The following KANK1 variants were observed in gnomAD, a reference collection of about 807,000 sequenced individuals.
KANK1 encodes KN motif and ankyrin repeat domain-containing protein 1.
KANK1 carries 109 observed loss-of-function variants against 106.2 expected under a neutral mutation model. That is an observed-to-expected ratio of 1.03 (90% CI 0.88 to 1.20). The LOEUF (loss-of-function observed/expected upper bound fraction) is 1.20. KANK1 is among the 50% of genes most tolerant of loss of function. The probability of loss-of-function intolerance (pLI) is 0.00; values close to 1 mark genes in which losing one functional copy is unlikely to be tolerated. For missense variants in KANK1, 2,399 were observed against 1,710.7 expected (o/e 1.40, Z -7.10); for synonymous variants, 873 against 652.2 (o/e 1.34, Z -5.16).
intron 1 of KANK1, among the ~76,000 whole-genome samples, chr9:563,868 G>A (rs558146276): frequency 3.5e-4 from 54 of 152,212 alleles, no homozygotes; most frequent in African/African-American, 1.3e-3. Context: ...GACTAGCACA[G>A]GGCACACATA....
intron 1 of KANK1, among the ~76,000 whole-genome samples, chr9:517,770 G>A (rs946697915): frequency 1.4e-5 from 2 of 140,220 alleles, no homozygotes; most frequent in South Asian, 2.2e-4. Flanking sequence ...ACAGAGTCTC[G>A]CTCTGTCACC....
intron 10 of KANK1, among the ~76,000 whole-genome samples, chr9:743,223 AAGTTAGGAAAATATCCTTTGTAGGTCAG>A (rs1836170470): frequency 6.6e-6 from 1 of 152,220 alleles, no homozygotes; most frequent in South Asian, 2.1e-4. Flanking sequence ...AAACACCAAA[AAGTTAGGAAAATATCCTTTGTAGGTCAG>A]ATTCTTCTGG....
intron 1 of KANK1, among the ~76,000 whole-genome samples, chr9:606,255 A>G (rs962596993): frequency 6.6e-6 from 1 of 151,104 alleles, no homozygotes; most frequent in Non-Finnish European, 1.5e-5. Flanking sequence ...AAAAATATAT[A>G]TTTTTAGAAG....
At chr9:649,862 A>C (rs1840501222) in intron 1 of KANK1, among the ~76,000 whole-genome samples, 1 of 152,206 alleles carries the variant, frequency 6.6e-6, no homozygotes, top group South Asian at 2.1e-4. Context: ...ATGGGATGAC[A>C]GTTGCGATGC....
intron 1 of KANK1, among the ~76,000 whole-genome samples, chr9:590,676 C>G (rs538021659): frequency 6.7e-6 from 1 of 148,554 alleles, no homozygotes; most frequent in East Asian, 1.9e-4. Context: ...AAATAAGATT[C>G]TTAAATACAG....
At position 744,521 on chromosome 9, in the gene KANK1, G is replaced by A. The variant is rs1196490607; in HGVS notation, c.3928G>A (p.Glu1310Lys). 1 of 1,614,108 alleles carries A rather than the reference G, an allele frequency of 6.2e-7. No individual in the cohort carries two copies. Among genetic ancestry groups the A allele is most frequent in the South Asian group, 1.1e-5 (1 of 91,070 alleles). ...CAGCACTGCGCTCTCAATCGCCCTG[G>A]AAGCAGGACACAAGGACATCGCTGT... The part of the protein sequence containing the change: ...DGSTALSIAL[E>K]AGHKDIAVLL... Residue 1310 changes from glutamate (E) to lysine (K), a missense_variant, in exon 11 of 12, where the codon GAA (glutamate) becomes AAA (lysine). Transcript: ENST00000382297.
At chr9:626,517 G>C (rs1245928110) in intron 1 of KANK1, among the ~76,000 whole-genome samples, 1 of 152,122 alleles carries the variant, frequency 6.6e-6, no homozygotes, top group Non-Finnish European at 1.5e-5. Context: ...GTCAGATTCT[G>C]TGTTTTCTGT....
intron 1 of KANK1, among the ~76,000 whole-genome samples, chr9:541,619 A>G (rs998103255): frequency 2.0e-5 from 3 of 152,128 alleles, no homozygotes; most frequent in African/African-American, 7.2e-5. Context: ...GACAAATGGG[A>G]TTGTGTTAAA....
chr9:710,763 G>C, intron 2 of KANK1, 41 bp from the exon 3 acceptor site: 1 of 1,520,450 alleles, frequency 6.6e-7, no homozygotes, highest in Non-Finnish European at 8.8e-7. Flanking sequence ...ACCATTAGGT[G>C]TATTGCATGT....
At chr9:692,009 A>G (rs1820061050) in intron 2 of KANK1, among the ~76,000 whole-genome samples, 1 of 152,180 alleles carries the variant, frequency 6.6e-6, no homozygotes, top group Non-Finnish European at 1.5e-5. Context: ...ATTTTATCAC[A>G]GGGCAGGCAG....
intron 1 of KANK1, among the ~76,000 whole-genome samples, chr9:668,737 C>A (rs183715707): frequency 1.3e-5 from 2 of 152,168 alleles, no homozygotes; most frequent in South Asian, 2.1e-4. Context: ...GATAAGCAGT[C>A]CCCAGTCTGT....
At chr9:615,692 A>G (rs1478007407) in intron 1 of KANK1, among the ~76,000 whole-genome samples, 2 of 152,156 alleles carry the variant, frequency 1.3e-5, no homozygotes, top group Non-Finnish European at 2.9e-5. Flanking sequence ...AGTTAACACC[A>G]GCTTCTGGAT....
At chr9:547,927 G>A (rs1340666151) in intron 1 of KANK1, among the ~76,000 whole-genome samples, 1 of 152,178 alleles carries the variant, frequency 6.6e-6, no homozygotes, top group East Asian at 1.9e-4. Context: ...AATTTAAGAA[G>A]CCTGAGATCA....
chr9:685,244 C>T (rs112217810), intron 2 of KANK1, among the ~76,000 whole-genome samples: 91 of 152,292 alleles, frequency 6.0e-4, no homozygotes, highest in African/African-American at 2.0e-3. Flanking sequence ...TTAGTCATCT[C>T]AGCTGGTAGT....
chr9:589,619 G>C (rs770886992), intron 1 of KANK1, among the ~76,000 whole-genome samples: 18 of 152,076 alleles, frequency 1.2e-4, no homozygotes, highest in Non-Finnish European at 1.9e-4. Flanking sequence ...CTTCATCTTT[G>C]AGACTGAAGG....
At chr9:654,805 G>T (rs1228331442) in intron 1 of KANK1, among the ~76,000 whole-genome samples, 1 of 98,928 alleles carries the variant, frequency 1.0e-5, no homozygotes, top group Non-Finnish European at 2.0e-5. Flanking sequence ...GCATTTGTGT[G>T]TGTGTGTGTG....
intron 1 of KANK1, among the ~76,000 whole-genome samples, chr9:564,696 C>T (rs1294711514): frequency 6.6e-6 from 1 of 152,212 alleles, no homozygotes; most frequent in Non-Finnish European, 1.5e-5. Context: ...TGGCTCTTTG[C>T]AGCCGCTCTT....
chr9:521,114 C>A (rs2059528999), intron 1 of KANK1, among the ~76,000 whole-genome samples: 1 of 151,688 alleles, frequency 6.6e-6, no homozygotes, highest in Non-Finnish European at 1.5e-5. Context: ...AAATTTCTGT[C>A]TTATATAAAA....
At chr9:603,754 G>A (rs567496161) in intron 1 of KANK1, among the ~76,000 whole-genome samples, 1 of 151,474 alleles carries the variant, frequency 6.6e-6, no homozygotes, top group Admixed American at 6.6e-5. Context: ...TCTGGAGTCC[G>A]AGACCAGTCT....
Sources: allele counts gnomAD v4.1 joint callset (sites outside exome capture counted in the v4.1 genomes callset), GRCh38; gene constraint gnomAD v4.1.1; transcripts MANE v1.5; gene names NCBI Gene and HGNC (gene_info 2026-07-23, HGNC 2026-07-21).